The following HS3ST3B1 variants were observed in gnomAD, a reference collection of about 807,000 sequenced individuals.
HS3ST3B1 encodes heparan sulfate-glucosamine 3-sulfotransferase 3B1, also known as heparan sulfate glucosamine 3-O-sulfotransferase 3B1.
Under a neutral mutation model 21.3 loss-of-function variants are expected in HS3ST3B1, and 13 were observed. That is an observed-to-expected ratio of 0.61 (90% confidence interval 0.40 to 0.97). HS3ST3B1 has a LOEUF of 0.97. HS3ST3B1 is among the 50% of genes least tolerant of loss of function. The probability of loss-of-function intolerance (pLI) is 0.00; values close to 1 mark genes in which losing one functional copy is unlikely to be tolerated. For synonymous variants in HS3ST3B1, 234 were observed against 254.8 expected (o/e 0.92, Z 0.78); for missense variants, 459 against 554.8 (o/e 0.83, Z 1.73).
Position 14,301,448 on chromosome 17 carries a change from C to A in HS3ST3B1, c.-71C>A. On this transcript the variant is annotated 5_prime_UTR_variant, in exon 1 of 2. The change creates a new upstream start codon in the 5' untranslated region. Transcript: ENST00000360954. Reference sequence around the variant, plus strand: ...CGTCCAGCGTGCCGGGGAACCCTCTCTGCGCTCACTGCCCGGCGGGACCCA... The same window carrying A: ...CGTCCAGCGTGCCGGGGAACCCTCTATGCGCTCACTGCCCGGCGGGACCCA... The A allele has an allele frequency of 7.5e-7, 1 of 1,337,140 alleles. No homozygotes were observed. The highest frequency in any genetic ancestry group is 9.7e-7 in the Non-Finnish European group (1 of 1,034,282). 82.8% of individuals were successfully genotyped at this position (1,337,140 alleles called of 1,614,324 possible). A position where few individuals can be genotyped will look rare whatever the true frequency, so the allele number is the denominator to read the frequency against.
intron 1 of HS3ST3B1, among the ~76,000 whole-genome samples, chr17:14,313,513 C>T (rs1001285349): frequency 1.3e-5 from 2 of 152,316 alleles, no homozygotes; most frequent in African/African-American, 4.8e-5. Flanking sequence ...ACACCACTCT[C>T]TTAACCACTT....
chr17:14,345,445 G>C lies in HS3ST3B1; in HGVS notation c.972G>C (p.Lys324Asn), dbSNP rs747448188. Residue 324 changes from lysine (K) to asparagine (N), a missense_variant, in exon 2 of 2, where the codon AAG (lysine) becomes AAC (asparagine). By Grantham distance (94) the Lys-to-Asn change is moderately conservative. Around this residue, in one of 3 missense-constraint regions of HS3ST3B1, gnomAD observed 127 missense variants for 209.9 expected, o/e 0.60. Transcript: ENST00000360954. ...FLGLKRIITD[K>N]HFYFNKTKGF... ...GCCTCAAGAGGATCATCACGGACAA[G>C]CACTTCTACTTCAACAAGACCAAGG... The C allele has an allele frequency of 7.2e-7, 1 of 1,390,592 alleles. No individual in the cohort carries two copies. The highest frequency in any genetic ancestry group is 1.4e-5 in the African/African-American group (1 of 69,738). 86.1% of individuals were successfully genotyped at this position (1,390,592 alleles called of 1,614,324 possible).
chr17:14,346,161 A>G lies in HS3ST3B1; in HGVS notation c.*515A>G, dbSNP rs75346727. The G allele has an allele frequency of 0.012, 1,897 of 156,108 alleles. 52 individuals carry two copies. Among genetic ancestry groups the G allele is most frequent in the African/African-American group, 0.043 (1,783 of 41,432 alleles). The allele number at this position is 156,108 out of a possible 1,614,324, so 9.7% of individuals were successfully genotyped here. On this transcript the variant is annotated 3_prime_UTR_variant, in exon 2 of 2. Coordinates refer to ENST00000360954, the MANE Select transcript of HS3ST3B1 (RefSeq NM_006041.3). ...TCCAATGATGTAGCCTGAAAGCCAC[A>G]GCCCTAGGGTTCTGTCCCTCCCTCC... is the stretch of plus-strand genomic sequence containing the variant.
chr17:14,302,271 C>G (rs1452100174), intron 1 of HS3ST3B1, among the ~76,000 whole-genome samples, 199 bp downstream of exon 1: 1 of 152,184 alleles, frequency 6.6e-6, no homozygotes, highest in Non-Finnish European at 1.5e-5. Flanking sequence ...CGTCACAACC[C>G]ACAGAAAGTT....
chr17:14,316,034 A>C (rs1909486334), intron 1 of HS3ST3B1, among the ~76,000 whole-genome samples: 1 of 152,184 alleles, frequency 6.6e-6, no homozygotes, highest in South Asian at 2.1e-4. Flanking sequence ...GTGTCTATCC[A>C]GATGCCAGCT....
chr17:14,314,700 C>G (rs909182893), intron 1 of HS3ST3B1, among the ~76,000 whole-genome samples: 1 of 152,146 alleles, frequency 6.6e-6, no homozygotes, highest in Admixed American at 6.5e-5. Context: ...ATGGCTGGAC[C>G]TGGTGAGCCC....
chr17:14,318,585 G>T (rs974315024), intron 1 of HS3ST3B1, among the ~76,000 whole-genome samples: 5 of 152,162 alleles, frequency 3.3e-5, no homozygotes, highest in African/African-American at 1.2e-4. Flanking sequence ...ATAAGGTCTA[G>T]CTCAGAATTG....
chr17:14,335,329 G>A (rs1190920203), intron 1 of HS3ST3B1, among the ~76,000 whole-genome samples: 4 of 152,100 alleles, frequency 2.6e-5, no homozygotes, highest in Non-Finnish European at 5.9e-5. Context: ...GGGACATGCC[G>A]ATTAGGAGCA....
intron 1 of HS3ST3B1, among the ~76,000 whole-genome samples, chr17:14,319,008 A>C (rs1909579665): frequency 6.6e-6 from 1 of 152,142 alleles, no homozygotes; most frequent in Non-Finnish European, 1.5e-5. Context: ...GAAGTGCAAA[A>C]GCACATCAGT....
chr17:14,315,317 G>A (rs1909463633), intron 1 of HS3ST3B1, among the ~76,000 whole-genome samples: 3 of 152,218 alleles, frequency 2.0e-5, no homozygotes, highest in Admixed American at 1.3e-4. Flanking sequence ...AGCACACAGA[G>A]CATGCCGTGT....
intron 1 of HS3ST3B1, among the ~76,000 whole-genome samples, chr17:14,344,091 G>T (rs1910477075): frequency 6.6e-6 from 1 of 151,940 alleles, no homozygotes; most frequent in African/African-American, 2.4e-5. Flanking sequence ...GTAGAGACGG[G>T]GTTTTGCCAT....
rs1266317559 is a variant in HS3ST3B1 at position 14,345,559 on chromosome 17, C to T, written c.1086C>T (p.Arg362=). The change falls in exon 2 of 2, where the codon CGC becomes CGT. Residue 362 remains arginine (R), a synonymous_variant. Transcript: ENST00000360954. ...TKGRTHPEID[R]EVVRRLREFY... Reference sequence around the variant, plus strand: ...GCAGGACCCATCCTGAGATCGACCGCGAGGTGGTGCGCAGGCTGCGCGAGT... The same window carrying T: ...GCAGGACCCATCCTGAGATCGACCGTGAGGTGGTGCGCAGGCTGCGCGAGT... The T allele has an allele frequency of 1.3e-6, 2 of 1,585,012 alleles. No homozygotes were observed. The highest frequency in any genetic ancestry group is 1.8e-5 in the Admixed American group (1 of 55,696).
chr17:14,315,772 G>C (rs1429696572), intron 1 of HS3ST3B1, among the ~76,000 whole-genome samples: 4 of 150,958 alleles, frequency 2.6e-5, no homozygotes, highest in African/African-American at 9.8e-5. Context: ...AGTGAGCTGA[G>C]ATTGCACCAT....
rs1359602410 is a variant in HS3ST3B1 at position 14,346,715 on chromosome 17, G to C, written c.*1069G>C. 6.6e-6 allele frequency: 1 copy of C among 152,264 alleles called. No homozygotes were observed. The highest frequency in any genetic ancestry group is 2.4e-5 in the African/African-American group (1 of 41,440). The allele number at this position is 152,264 out of a possible 1,614,324, so 9.4% of individuals were successfully genotyped here. A position where few individuals can be genotyped will look rare whatever the true frequency, so the allele number is the denominator to read the frequency against. On this transcript the variant is annotated 3_prime_UTR_variant, in exon 2 of 2. Transcript: ENST00000360954. ...CCCAGGTCACATGTGTGAGATGCCT[G>C]GGTGCTGCTTCAGAAATCAAGATGA...
Position 14,323,259 on chromosome 17 carries a change from C to T in HS3ST3B1, c.554+21187C>T, listed in dbSNP as rs1056498924. ...TGCAAAGAGGGTCCATCCCTTTACT[C>T]GGATTCTCCACAACTCATAAAAGCT... On this transcript the variant is annotated intron_variant, in intron 1 of 1. Transcript: ENST00000360954. 2.6e-5 allele frequency among the ~76,000 whole-genome samples: 4 copies of T among 152,152 alleles called. No individual in the cohort carries two copies. The South Asian group carries it at 6.2e-4, about 24-fold the overall frequency.
At chr17:14,315,649 CCT>C (rs938259703) in intron 1 of HS3ST3B1, among the ~76,000 whole-genome samples, 2 of 151,886 alleles carry the variant, frequency 1.3e-5, no homozygotes, top group African/African-American at 4.8e-5. Context: ...GTGGTGAAAC[CCT>C]GTTTCTGCTA....
chr17:14,323,188 G>A (rs987202491), intron 1 of HS3ST3B1, among the ~76,000 whole-genome samples: 8 of 152,098 alleles, frequency 5.3e-5, no homozygotes, highest in African/African-American at 1.9e-4. Flanking sequence ...TTACAGGCGT[G>A]AGCCACCGCA....
rs1191374592 is a variant in HS3ST3B1, at chr17:14,301,980, G to A, written c.462G>A (p.Leu154=). The change falls in exon 1 of 2, where the codon CTG becomes CTA. Residue 154 remains leucine (L), a synonymous_variant. Transcript: ENST00000360954. ...AGAAGGGCGGCACGCGGGCGCTGCT[G>A]GAGTTTCTGCGCGTGCACCCCGACG... ...GVKKGGTRAL[L]EFLRVHPDVR... The A allele has an allele frequency of 6.2e-7, 1 of 1,609,460 alleles. No individual in the cohort carries two copies. The highest frequency in any genetic ancestry group is 1.1e-5 in the South Asian group (1 of 90,406).
chr17:14,345,406 G>C lies in HS3ST3B1; in HGVS notation c.933G>C (p.Val311=). The change falls in exon 2 of 2, where the codon GTG becomes GTC. Residue 311 remains valine (V), a synonymous_variant. Coordinates refer to ENST00000360954, the MANE Select transcript of HS3ST3B1 (RefSeq NM_006041.3). ...ISDPAGELGR[V]QDFLGLKRII... The stretch of plus-strand genomic sequence containing the variant: ...ACCCGGCCGGGGAGCTGGGCCGCGT[G>C]CAAGACTTCCTGGGCCTCAAGAGGA... 7.9e-7 allele frequency: 1 copy of C among 1,263,344 alleles called. No homozygotes were observed. The highest frequency in any genetic ancestry group is 1.1e-6 in the Non-Finnish European group (1 of 896,528). 78.3% of individuals were successfully genotyped at this position (1,263,344 alleles called of 1,614,324 possible).
Sources: allele counts gnomAD v4.1 joint callset (sites outside exome capture counted in the v4.1 genomes callset), GRCh38; gene constraint gnomAD v4.1.1; regional missense constraint gnomAD v4.1.1; transcripts MANE v1.5; gene names NCBI Gene and HGNC (gene_info 2026-07-23, HGNC 2026-07-21).